Variants in COL23A1 observed in about 807,000 individuals in gnomAD.
COL23A1 encodes the protein collagen alpha-1(XXIII) chain.
A neutral mutation model predicts 99.3 loss-of-function variants in COL23A1; 97 were observed. The observed-to-expected ratio is 0.98, with a 90% CI of 0.83 to 1.16. The LOEUF is 1.16. COL23A1 is among the 50% of genes most tolerant of loss of function. The pLI is 0.00. For synonymous variants in COL23A1, 320 were observed against 308.2 expected, an observed-to-expected ratio of 1.04 and a Z score of -0.40; for missense variants, 762 against 757.4, an observed-to-expected ratio of 1.01 and a Z score of -0.07.
chr5:178,423,336 T>C (rs545042478), intron 2 of COL23A1, among the ~76,000 whole-genome samples: 4 of 152,262 alleles, frequency 2.6e-5, no homozygotes, highest in Admixed American at 1.3e-4. Context: ...AGCACAATAC[T>C]ATCTGGTAAT....
chr5:178,298,477 G>T (rs1757865958), intron 3 of COL23A1, among the ~76,000 whole-genome samples: 1 of 152,186 alleles, frequency 6.6e-6, no homozygotes, highest in African/African-American at 2.4e-5. Context: ...CCTGGCAGGG[G>T]CCAGGCCTAC....
intron 2 of COL23A1, among the ~76,000 whole-genome samples, chr5:178,435,507 A>C (rs1365998000): frequency 6.6e-6 from 1 of 152,218 alleles, no homozygotes; most frequent in Non-Finnish European, 1.5e-5. Flanking sequence ...GGCTCACAGC[A>C]GCTGCCATGG....
At position 178,306,069 on chromosome 5, in the gene COL23A1, AGAG is replaced by A. The variant is rs1332689480; in HGVS notation, c.406+803_406+805del. Among the ~76,000 whole-genome samples, 5 of 151,918 alleles carry A rather than the reference AGAG, an allele frequency of 3.3e-5. No homozygotes were observed. Among genetic ancestry groups the A allele is most frequent in the African/African-American group, 7.3e-5 (3 of 41,342 alleles). On this transcript the variant is annotated intron_variant, in intron 3 of 28. Transcript: ENST00000390654. The surrounding 1 kb of genome is among the most constrained non-coding windows in gnomAD (Gnocchi z 4.1). Reference sequence around the variant, plus strand: ...TCACAGCAGTGGGAGACTGTGGGAGAGAGGAGAGGAGACGACCAAGGGAGATTC... The same window carrying A: ...TCACAGCAGTGGGAGACTGTGGGAGAGAGAGGAGACGACCAAGGGAGATTC...
chr5:178,304,857 G>T (rs917209456), intron 3 of COL23A1, among the ~76,000 whole-genome samples: 1 of 152,154 alleles, frequency 6.6e-6, no homozygotes, highest in Non-Finnish European at 1.5e-5. Context: ...TTCTTATCTT[G>T]CAGTGTCTGA....
At chr5:178,292,426 G>A (rs1581093379) in intron 3 of COL23A1, among the ~76,000 whole-genome samples, 1 of 152,306 alleles carries the variant, frequency 6.6e-6, no homozygotes, top group East Asian at 1.9e-4. Flanking sequence ...TTCCTCGGCT[G>A]GCAAAGCCAT....
chr5:178,517,557 G>GTTTTTTTTTT lies in COL23A1; in HGVS notation c.361+43115_361+43124dup, dbSNP rs35787274. ...AGGGCTCAGACTCTCGGTGACAGCAGTTTTTTTTTTGTTTTTTTTTTTGAG... is the reference window on the plus strand; with the variant it reads ...AGGGCTCAGACTCTCGGTGACAGCAGTTTTTTTTTTTTTTTTTTTTGTTTTTTTTTTTGAG... On this transcript the variant is annotated intron_variant, in intron 2 of 28. Coordinates refer to ENST00000390654, the MANE Select transcript of COL23A1 (RefSeq NM_173465.4). Among the ~76,000 whole-genome samples the GTTTTTTTTTT allele has an allele frequency of 3.5e-5, 3 of 84,966 alleles. 1 individual carries two copies. The allele number at this position is 84,966 out of a possible 152,430, so 55.7% of individuals were successfully genotyped here.
rs1292601977 is a variant in COL23A1 at position 178,544,606 on chromosome 5, T to C, written c.361+16076A>G. 6.6e-6 allele frequency among the ~76,000 whole-genome samples: 1 copy of C among 152,190 alleles called. No homozygotes were observed. Among genetic ancestry groups the C allele is most frequent in the African/African-American group, 2.4e-5 (1 of 41,448 alleles). The stretch of plus-strand genomic sequence containing the variant: ...GTACAGCTGACATGTGAGCAAGCAC[T>C]TTGGCCAGCACAGCCGGCCTCTATC... On this transcript the variant is annotated intron_variant, in intron 2 of 28. Transcript: ENST00000390654. The surrounding 1 kb of genome is among the most constrained non-coding windows in gnomAD (Gnocchi z 4.4).
At chr5:178,408,539 G>A (rs977357722) in intron 2 of COL23A1, among the ~76,000 whole-genome samples, 1 of 152,122 alleles carries the variant, frequency 6.6e-6, no homozygotes, top group African/African-American at 2.4e-5. Flanking sequence ...TGTAACAAAT[G>A]GGGGAGTGTA....
At chr5:178,240,477 T>C (rs1178113758) in intron 27 of COL23A1, among the ~76,000 whole-genome samples, 1 of 152,184 alleles carries the variant, frequency 6.6e-6, no homozygotes, top group African/African-American at 2.4e-5. Context: ...GCATGGCCCA[T>C]TGCCCCTCGC....
chr5:178,265,696 T>C (rs1343202622), intron 8 of COL23A1: 1 of 985,858 alleles, frequency 1.0e-6, no homozygotes. Flanking sequence ...TCTCTACTTA[T>C]AAAGCCCGGA....
intron 2 of COL23A1, among the ~76,000 whole-genome samples, chr5:178,405,161 C>T (rs758386077): frequency 2.1e-4 from 32 of 152,226 alleles, no homozygotes; most frequent in Non-Finnish European, 3.5e-4. Context: ...CTTGCATGCC[C>T]GCAGCGTGTC....
intron 2 of COL23A1, among the ~76,000 whole-genome samples, chr5:178,427,460 C>T (rs1052607347): frequency 6.6e-6 from 1 of 152,182 alleles, no homozygotes; most frequent in Admixed American, 6.5e-5. Context: ...CATACAAAAG[C>T]CTGAACACAG....
At chr5:178,339,476 G>C (rs757199059) in intron 2 of COL23A1, among the ~76,000 whole-genome samples, 6 of 152,218 alleles carry the variant, frequency 3.9e-5, no homozygotes, top group Non-Finnish European at 7.3e-5. Context: ...TGTTACTACA[G>C]CCTCAGATCC....
intron 2 of COL23A1, among the ~76,000 whole-genome samples, chr5:178,509,101 G>C (rs993081950): frequency 6.6e-6 from 1 of 152,172 alleles, no homozygotes; most frequent in Non-Finnish European, 1.5e-5. Context: ...CTAGATCCCA[G>C]CTTCTCCATG....
intron 2 of COL23A1, among the ~76,000 whole-genome samples, chr5:178,345,486 A>G (rs2127669141): frequency 6.6e-6 from 1 of 152,098 alleles, no homozygotes; most frequent in Admixed American, 6.6e-5. Flanking sequence ...GAATGGGCAA[A>G]TAACAGGACT....
intron 2 of COL23A1, among the ~76,000 whole-genome samples, chr5:178,402,528 T>C (rs185080463): frequency 3.9e-5 from 6 of 152,222 alleles, no homozygotes; most frequent in Admixed American, 3.3e-4. Context: ...CAATAACCAA[T>C]TGCACATTTC....
At chr5:178,287,262 C>T (rs1270832483) in intron 5 of COL23A1, among the ~76,000 whole-genome samples, 1 of 152,222 alleles carries the variant, frequency 6.6e-6, no homozygotes, top group Non-Finnish European at 1.5e-5. Context: ...AGAGGCCAGG[C>T]TGCTCATTGC....
intron 2 of COL23A1, among the ~76,000 whole-genome samples, chr5:178,464,386 T>C (rs1756299454): frequency 6.6e-6 from 1 of 152,166 alleles, no homozygotes; most frequent in South Asian, 2.1e-4. Flanking sequence ...GCATCAGAAT[T>C]TTCTTCCTTT....
chr5:178,361,393 C>T (rs976461459), intron 2 of COL23A1, among the ~76,000 whole-genome samples: 4 of 152,108 alleles, frequency 2.6e-5, no homozygotes, highest in Non-Finnish European at 5.9e-5. Context: ...TTAAGGCTTT[C>T]GAGCCCTTGC....
Sources: allele counts gnomAD v4.1 joint callset (sites outside exome capture counted in the v4.1 genomes callset), GRCh38; gene constraint gnomAD v4.1.1; non-coding constraint Gnocchi (gnomAD v3.1); transcripts MANE v1.5; gene names NCBI Gene and HGNC (gene_info 2026-07-23, HGNC 2026-07-21).